Variants in PCBD2 observed in about 807,000 individuals in gnomAD.
PCBD2 encodes pterin-4-alpha-carbinolamine dehydratase 2.
PCBD2 carries 12 observed loss-of-function variants against 16.4 expected under a neutral mutation model. That is an observed-to-expected ratio of 0.73 (90% CI 0.47 to 1.19). The LOEUF (loss-of-function observed/expected upper bound fraction) is 1.19. Among genes scored for constraint, PCBD2 ranks in the 50% most tolerant of loss-of-function variants. The probability of loss-of-function intolerance (pLI) is 0.00; values close to 1 mark genes in which losing one functional copy is unlikely to be tolerated. For synonymous variants in PCBD2, 58 were observed against 61.8 expected (o/e 0.94, Z 0.29); for missense variants, 138 against 156.8 (o/e 0.88, Z 0.64).
intron 2 of PCBD2, among the ~76,000 whole-genome samples, chr5:134,950,652 C>G (rs17167740): frequency 0.026 from 3,932 of 152,158 alleles, 156 homozygotes; most frequent in African/African-American, 0.083. Flanking sequence ...TTGGAGATTT[C>G]CAAATGACAA....
At chr5:134,916,883 A>G (rs1750839998) in intron 2 of PCBD2, among the ~76,000 whole-genome samples, 1 of 152,248 alleles carries the variant, frequency 6.6e-6, no homozygotes, top group African/African-American at 2.4e-5. Context: ...CTCTGTGAGC[A>G]GACAGAGCAT....
chr5:134,925,957 G>C (rs1750987876), intron 2 of PCBD2: 1 of 389,886 alleles, frequency 2.6e-6, no homozygotes, highest in Non-Finnish European at 4.5e-6. Flanking sequence ...TGCTTGAATA[G>C]CTGCTGTGTT....
At chr5:134,920,990 C>G (rs1192191057) in intron 2 of PCBD2, among the ~76,000 whole-genome samples, 2 of 152,230 alleles carry the variant, frequency 1.3e-5, no homozygotes, top group Non-Finnish European at 2.9e-5. Flanking sequence ...ATACATCAAA[C>G]TGACTTCAAG....
intron 2 of PCBD2, among the ~76,000 whole-genome samples, chr5:134,939,213 T>C (rs1352598310): frequency 6.6e-6 from 1 of 152,170 alleles, no homozygotes; most frequent in Admixed American, 6.5e-5. Flanking sequence ...CCTAAGGTAC[T>C]GTCATCATTC....
intron 2 of PCBD2, among the ~76,000 whole-genome samples, chr5:134,913,036 A>G (rs1750786888): frequency 6.6e-6 from 1 of 152,104 alleles, no homozygotes; most frequent in African/African-American, 2.4e-5. Flanking sequence ...CTCCATGGGT[A>G]TGTTTGTTTG....
chr5:134,938,296 C>A (rs1024756521), intron 2 of PCBD2, among the ~76,000 whole-genome samples: 2 of 152,240 alleles, frequency 1.3e-5, no homozygotes, highest in Non-Finnish European at 2.9e-5. Context: ...ACCAGTCCTG[C>A]TTCAGTAGAC....
At chr5:134,924,237 G>T in intron 2 of PCBD2, 1 of 395,280 alleles carries the variant, frequency 2.5e-6, no homozygotes, top group South Asian at 1.3e-4. Flanking sequence ...TGGTGTGATT[G>T]GGTGTGTTAT....
intron 1 of PCBD2, among the ~76,000 whole-genome samples, chr5:134,906,553 A>C (rs1000993820): frequency 1.3e-5 from 2 of 152,100 alleles, no homozygotes; most frequent in African/African-American, 4.8e-5. Flanking sequence ...GGGAGAACAC[A>C]AGTTGAGTGC....
At chr5:134,939,335 T>C (rs551638699) in intron 2 of PCBD2, among the ~76,000 whole-genome samples, 17 of 150,516 alleles carry the variant, frequency 1.1e-4, no homozygotes, top group Non-Finnish European at 2.1e-4. Context: ...TTTTGATGTT[T>C]TGTTGTTTTT....
chr5:134,957,778 A>G (rs1161889751), intron 2 of PCBD2, among the ~76,000 whole-genome samples: 3 of 152,202 alleles, frequency 2.0e-5, no homozygotes, highest in African/African-American at 7.2e-5. Flanking sequence ...TGGGAAAGTG[A>G]ATATTGTTTT....
rs540913221 is a variant in PCBD2, at chr5:134,961,805, A to G, written c.*1124A>G. 2.0e-5 allele frequency among the ~76,000 whole-genome samples: 3 copies of G among 152,230 alleles called. No individual in the cohort carries two copies. The highest frequency in any genetic ancestry group is 3.9e-4 in the East Asian group (2 of 5,168). On this transcript the variant is annotated 3_prime_UTR_variant, in exon 4 of 4. Transcript: ENST00000254908. The stretch of plus-strand genomic sequence containing the variant: ...GAGACGGGGTCTCGCTCTGCTGCCC[A>G]GGCTGGAGTGCAGTGGCAGGATCAC...
At chr5:134,907,965 A>G (rs1750717694) in intron 1 of PCBD2, among the ~76,000 whole-genome samples, 1 of 149,728 alleles carries the variant, frequency 6.7e-6, no homozygotes, top group Admixed American at 6.7e-5. Flanking sequence ...TCTGTTGCCC[A>G]GGCTGGAATG....
Position 134,905,232 on chromosome 5 carries a change from A to C in PCBD2, c.84+9A>C, listed in dbSNP as rs1384730166. 1 of 1,222,290 alleles carries C rather than the reference A, an allele frequency of 8.2e-7. No individual in the cohort carries two copies. The allele number at this position is 1,222,290 out of a possible 1,614,324, so 75.7% of individuals were successfully genotyped here. A position where few individuals can be genotyped will look rare whatever the true frequency, so the allele number is the denominator to read the frequency against. ...TAGGGCTAGCGGCCATGGTGAGTGC[A>C]CAGCGGCCGCGTGGGTGGGGGTCCG... On this transcript the variant is annotated intron_variant, in intron 1 of 3. Coordinates refer to ENST00000254908, the MANE Select transcript of PCBD2 (RefSeq NM_032151.5).
chr5:134,914,998 G>C (rs974188022), intron 2 of PCBD2, among the ~76,000 whole-genome samples: 1 of 152,098 alleles, frequency 6.6e-6, no homozygotes, highest in Non-Finnish European at 1.5e-5. Flanking sequence ...AAGGGAAATT[G>C]AGCAATGCCT....
chr5:134,926,850 G>C (rs921500598), intron 2 of PCBD2: 6 of 398,364 alleles, frequency 1.5e-5, no homozygotes, highest in African/African-American at 1.2e-4. Flanking sequence ...GTTGAGTCCT[G>C]TAAGTAGGAG....
chr5:134,918,606 T>TCA (rs1187575554), intron 2 of PCBD2, among the ~76,000 whole-genome samples: 1 of 152,244 alleles, frequency 6.6e-6, no homozygotes, highest in Non-Finnish European at 1.5e-5. Context: ...CGTATGGCTG[T>TCA]CACACACACT....
At chr5:134,927,237 C>T in intron 2 of PCBD2, 2 of 398,400 alleles carry the variant, frequency 5.0e-6, no homozygotes, top group East Asian at 7.1e-5. Context: ...AATTATGCCT[C>T]ACAGGGATAG....
chr5:134,942,574 A>G (rs1419219438), intron 2 of PCBD2, among the ~76,000 whole-genome samples: 3 of 152,196 alleles, frequency 2.0e-5, no homozygotes, highest in East Asian at 1.9e-4. Context: ...AGAAGGTACT[A>G]CTTGATCAGA....
intron 2 of PCBD2, chr5:134,924,171 G>C (rs1453371286): frequency 2.5e-6 from 1 of 397,468 alleles, no homozygotes; most frequent in Non-Finnish European, 4.5e-6. Flanking sequence ...AATGGGGTTT[G>C]TGGGGTTTTC....
Sources: allele counts gnomAD v4.1 joint callset (sites outside exome capture counted in the v4.1 genomes callset), GRCh38; gene constraint gnomAD v4.1.1; transcripts MANE v1.5; gene names NCBI Gene and HGNC (gene_info 2026-07-23, HGNC 2026-07-21).